BEND6: variants seen among roughly 807,000 people sequenced by gnomAD.
The protein encoded by BEND6 is BEN domain-containing protein 6.
A neutral mutation model predicts 31.8 loss-of-function variants in BEND6; 24 were observed. That is an observed-to-expected ratio of 0.75 (90% CI 0.55 to 1.06). The LOEUF (loss-of-function observed/expected upper bound fraction) is 1.06. Ranked by LOEUF, BEND6 falls within the 50% of genes least tolerant of loss-of-function variation. The pLI, the probability that BEND6 is intolerant of heterozygous loss-of-function variation, is 0.00. For synonymous variants in BEND6, 109 were observed against 114.6 expected (o/e 0.95, Z 0.31); for missense variants, 294 against 327.4 (o/e 0.90, Z 0.79).
At chr6:56,965,998 T>G (rs1825465743) in intron 1 of BEND6, among the ~76,000 whole-genome samples, 2 of 152,212 alleles carry the variant, frequency 1.3e-5, no homozygotes, top group South Asian at 4.1e-4. Context: ...AAATGTGAAA[T>G]AGAAAACACT....
chr6:56,966,403 G>T (rs1460088875), intron 1 of BEND6, among the ~76,000 whole-genome samples: 1 of 152,064 alleles, frequency 6.6e-6, no homozygotes, highest in African/African-American at 2.4e-5. Flanking sequence ...CGCCTGGCCT[G>T]TTTTTTTATA....
chr6:57,014,301 CT>C (rs2127889489), intron 3 of BEND6, among the ~76,000 whole-genome samples: 1 of 152,056 alleles, frequency 6.6e-6, no homozygotes, highest in East Asian at 1.9e-4. Flanking sequence ...ATTAATTATT[CT>C]AAAATTGTAG....
intron 1 of BEND6, among the ~76,000 whole-genome samples, chr6:56,975,128 TAAAAC>T (rs1424993912): frequency 6.6e-6 from 1 of 151,608 alleles, no homozygotes; most frequent in African/African-American, 2.4e-5. Flanking sequence ...AAAATAATAA[TAAAAC>T]AAAATAAAAA....
intron 3 of BEND6, among the ~76,000 whole-genome samples, chr6:56,995,699 G>A (rs1826681766): frequency 6.6e-6 from 1 of 152,010 alleles, no homozygotes; most frequent in Non-Finnish European, 1.5e-5. Flanking sequence ...CTTTTTATAA[G>A]AACACCAGTC....
chr6:57,021,123 A>G (rs1274179119), intron 6 of BEND6, among the ~76,000 whole-genome samples: 1 of 152,210 alleles, frequency 6.6e-6, no homozygotes, highest in Non-Finnish European at 1.5e-5. Context: ...TTGAATCAGT[A>G]ATGGAGATTA....
At chr6:57,017,171 T>A in intron 4 of BEND6, 36 bp from the exon 5 acceptor site, 2 of 1,523,834 alleles carry the variant, frequency 1.3e-6, no homozygotes, top group Non-Finnish European at 1.8e-6. Flanking sequence ...TACAGCACTT[T>A]CTTTTTCCAA....
At chr6:56,977,656 C>T (rs770418681) in intron 1 of BEND6, among the ~76,000 whole-genome samples, 4 of 152,012 alleles carry the variant, frequency 2.6e-5, no homozygotes, top group Non-Finnish European at 5.9e-5. Context: ...AGCAATTGAC[C>T]CATTTAAAGT....
chr6:56,966,037 G>A (rs1187987464), intron 1 of BEND6, among the ~76,000 whole-genome samples: 1 of 152,002 alleles, frequency 6.6e-6, no homozygotes, highest in Non-Finnish European at 1.5e-5. Context: ...TCCTAAAATA[G>A]AACTTGTAAT....
intron 2 of BEND6, among the ~76,000 whole-genome samples, chr6:56,988,628 C>T (rs192342244): frequency 1.9e-4 from 29 of 152,258 alleles, no homozygotes; most frequent in African/African-American, 6.0e-4. Context: ...AGACCTAAAA[C>T]ATTACTAAAA....
intron 3 of BEND6, among the ~76,000 whole-genome samples, chr6:57,012,507 A>G (rs866871158): frequency 1.8e-4 from 27 of 152,324 alleles, no homozygotes; most frequent in Admixed American, 5.9e-4. Context: ...GGGCGCACCC[A>G]TTTGTCAAAC....
At chr6:56,969,391 T>A (rs1325819678) in intron 1 of BEND6, among the ~76,000 whole-genome samples, 1 of 152,220 alleles carries the variant, frequency 6.6e-6, no homozygotes. Flanking sequence ...TAGTCCGTTT[T>A]ATAGAAATCA....
At chr6:56,972,415 A>T (rs1434747254) in intron 1 of BEND6, among the ~76,000 whole-genome samples, 1 of 152,010 alleles carries the variant, frequency 6.6e-6, no homozygotes, top group Non-Finnish European at 1.5e-5. Context: ...TCCTTATAAG[A>T]ATTTTATAAC....
At chr6:56,960,369 A>G (rs1368891953) in intron 1 of BEND6, among the ~76,000 whole-genome samples, 5 of 152,222 alleles carry the variant, frequency 3.3e-5, no homozygotes, top group Non-Finnish European at 7.3e-5. Context: ...TAGATCCAAG[A>G]TGAAATTTGC....
chr6:56,989,788 C>T (rs1238926015), intron 2 of BEND6, among the ~76,000 whole-genome samples: 1 of 152,112 alleles, frequency 6.6e-6, no homozygotes, highest in African/African-American at 2.4e-5. Context: ...TATTGAATTG[C>T]TGGCTTCTTT....
chr6:57,010,813 C>T (rs1204552330), intron 3 of BEND6: 6 of 803,574 alleles, frequency 7.5e-6, no homozygotes, highest in Non-Finnish European at 9.0e-6. Context: ...GGATAATATA[C>T]TAAGAAAAGA....
At chr6:57,008,440 T>G (rs1827237024) in intron 3 of BEND6, 1 of 568,548 alleles carries the variant, frequency 1.8e-6, no homozygotes, top group East Asian at 2.9e-5. Flanking sequence ...GAAATCTGTC[T>G]GTGTAACTGG....
chr6:57,008,004 G>A (rs760527118), intron 3 of BEND6, among the ~76,000 whole-genome samples: 2 of 152,164 alleles, frequency 1.3e-5, no homozygotes, highest in Non-Finnish European at 2.9e-5. Context: ...TATAGGTTGG[G>A]GTTATGTGCC....
At chr6:56,967,390 G>C (rs1825520053) in intron 1 of BEND6, among the ~76,000 whole-genome samples, 1 of 152,130 alleles carries the variant, frequency 6.6e-6, no homozygotes, top group South Asian at 2.1e-4. Context: ...GAAAGGAGAG[G>C]GGCACATGAA....
chr6:56,965,912 A>T (rs1331583938), intron 1 of BEND6, among the ~76,000 whole-genome samples: 1 of 152,094 alleles, frequency 6.6e-6, no homozygotes, highest in Non-Finnish European at 1.5e-5. Context: ...GAATACATTT[A>T]CTTAAAGCAA....
Sources: gnomAD v4.1 joint callset for allele counts (sites outside exome capture counted in the v4.1 genomes callset) on GRCh38, gnomAD v4.1.1 for gene constraint, MANE v1.5 for transcripts, NCBI Gene and HGNC (gene_info 2026-07-23, HGNC 2026-07-21) for gene names.